The following PDE4D variants were observed in gnomAD, a reference collection of about 807,000 sequenced individuals.
The protein encoded by PDE4D is phosphodiesterase 4D, also known as 3',5'-cyclic-AMP phosphodiesterase 4D.
Under a neutral mutation model 87.4 loss-of-function variants are expected in PDE4D, and 24 were observed. The observed-to-expected ratio is 0.27, with a 90% CI of 0.20 to 0.39. The LOEUF is 0.39. Among genes scored for constraint, PDE4D ranks in the 10% least tolerant of loss-of-function variants. The pLI is 1.00. For synonymous variants in PDE4D, 384 were observed against 383.2 expected (o/e 1.00, Z -0.02); for missense variants, 714 against 1,041.0 (o/e 0.69, Z 4.32).
At chr5:60,435,760 AT>A (rs1744710478) in intron 1 of PDE4D, among the ~76,000 whole-genome samples, 1 of 152,104 alleles carries the variant, frequency 6.6e-6, no homozygotes, top group East Asian at 1.9e-4. Context: ...TTTTTTAGAA[AT>A]TAAAGTCCAA....
At chr5:60,051,386 C>A (rs192937601) in intron 2 of PDE4D, among the ~76,000 whole-genome samples, 2 of 152,314 alleles carry the variant, frequency 1.3e-5, no homozygotes, top group Admixed American at 1.3e-4. Context: ...AAGAAACTCA[C>A]TCAAAACCAC....
intron 1 of PDE4D, among the ~76,000 whole-genome samples, chr5:60,376,353 C>T (rs1372506068): frequency 6.6e-6 from 1 of 152,062 alleles, no homozygotes; most frequent in African/African-American, 2.4e-5. Context: ...CAGAGCTTCC[C>T]AGCTATTGAG....
chr5:60,167,266 C>CT (rs142613050), intron 2 of PDE4D, among the ~76,000 whole-genome samples: 7,738 of 86,498 alleles, frequency 0.089, 705 homozygotes, highest in African/African-American at 0.17. Flanking sequence ...TGTGTATTTT[C>CT]TTTTTTTTTT....
At chr5:59,413,550 C>T (rs1474330745) in intron 1 of PDE4D, among the ~76,000 whole-genome samples, 1 of 150,480 alleles carries the variant, frequency 6.6e-6, no homozygotes, top group Non-Finnish European at 1.5e-5. Flanking sequence ...GTCCTTCTTA[C>T]AACCACCTAA....
chr5:59,012,531 C>T (rs1283920572), intron 6 of PDE4D, among the ~76,000 whole-genome samples: 3 of 152,006 alleles, frequency 2.0e-5, no homozygotes, highest in African/African-American at 7.2e-5. Flanking sequence ...GACTTTAAAC[C>T]AACAAAGATC....
chr5:60,436,368 T>A (rs1286864778), intron 1 of PDE4D, among the ~76,000 whole-genome samples: 8 of 152,030 alleles, frequency 5.3e-5, no homozygotes, highest in Non-Finnish European at 4.4e-5. Flanking sequence ...CAATAAAGAT[T>A]TTTAGAAATC....
At chr5:59,252,104 T>C (rs1760076430) in intron 1 of PDE4D, among the ~76,000 whole-genome samples, 1 of 152,038 alleles carries the variant, frequency 6.6e-6, no homozygotes, top group Admixed American at 6.6e-5. Context: ...TGAAATAATA[T>C]GTACAACCAA....
chr5:59,835,739 G>A (rs1312263813), intron 1 of PDE4D, among the ~76,000 whole-genome samples: 1 of 152,020 alleles, frequency 6.6e-6, no homozygotes, highest in African/African-American at 2.4e-5. Context: ...CTTACAGAAA[G>A]GCCAAGTGTG....
intron 1 of PDE4D, among the ~76,000 whole-genome samples, chr5:59,373,866 G>T (rs1784317923): frequency 6.6e-6 from 1 of 152,026 alleles, no homozygotes; most frequent in African/African-American, 2.4e-5. Context: ...AAAGATTGAG[G>T]GCCAATATTC....
At chr5:60,064,479 A>T (rs1292951897) in intron 2 of PDE4D, among the ~76,000 whole-genome samples, 1 of 152,094 alleles carries the variant, frequency 6.6e-6, no homozygotes, top group Non-Finnish European at 1.5e-5. Flanking sequence ...AATTAGAAAA[A>T]AATCCACACA....
chr5:59,052,216 G>A (rs1022027592), intron 5 of PDE4D, among the ~76,000 whole-genome samples: 1 of 152,178 alleles, frequency 6.6e-6, no homozygotes, highest in African/African-American at 2.4e-5. Context: ...CTATAGCTCA[G>A]TGTGCTGGGT....
chr5:59,182,254 A>AT (rs3061467), intron 4 of PDE4D, among the ~76,000 whole-genome samples: 41 of 147,884 alleles, frequency 2.8e-4, no homozygotes, highest in Admixed American at 3.4e-4. Flanking sequence ...TTCTTCTTAA[A>AT]TTTTTTTTTT....
intron 1 of PDE4D, among the ~76,000 whole-genome samples, chr5:59,362,023 T>C (rs1410446662): frequency 6.6e-6 from 1 of 152,170 alleles, no homozygotes; most frequent in African/African-American, 2.4e-5. Context: ...AGAGTCACAG[T>C]TATGCCATGA....
chr5:59,833,448 G>C (rs1741548725), intron 1 of PDE4D, among the ~76,000 whole-genome samples: 1 of 151,946 alleles, frequency 6.6e-6, no homozygotes, highest in South Asian at 2.1e-4. Flanking sequence ...TAAATCACTG[G>C]GAGATCCAGA....
At chr5:59,858,639 ACACT>A (rs1403940228) in intron 1 of PDE4D, among the ~76,000 whole-genome samples, 1 of 152,164 alleles carries the variant, frequency 6.6e-6, no homozygotes. Context: ...ATTCTATCTG[ACACT>A]CACATAACTA....
At chr5:59,390,052 CCT>C (rs1787928242) in intron 1 of PDE4D, among the ~76,000 whole-genome samples, 1 of 151,878 alleles carries the variant, frequency 6.6e-6, no homozygotes, top group African/African-American at 2.4e-5. Context: ...TCTTAAATAC[CCT>C]GATTTGATCA....
chr5:60,192,399 T>C (rs1399302907), intron 1 of PDE4D, among the ~76,000 whole-genome samples: 1 of 152,174 alleles, frequency 6.6e-6, no homozygotes, highest in Non-Finnish European at 1.5e-5. Context: ...AAAGCTTTAA[T>C]GGTATTATAC....
At chr5:59,943,675 C>T (rs759756986) in intron 3 of PDE4D, among the ~76,000 whole-genome samples, 1 of 152,172 alleles carries the variant, frequency 6.6e-6, no homozygotes, top group Non-Finnish European at 1.5e-5. Context: ...ACAGCTCGTG[C>T]GGGCAGCACT....
Position 60,311,086 on chromosome 5 carries a change from C to T in PDE4D, c.-89-125399G>A, listed in dbSNP as rs1451589708. On this transcript the variant is annotated intron_variant, in intron 1 of 16. Coordinates refer to the PDE4D transcript ENST00000502484. ...AGGCTGGCATGCAATGAAGCGATCT[C>T]AGCTCACCACAGTCTTCACCTCCCA... Among the ~76,000 whole-genome samples the T allele has an allele frequency of 2.7e-5, 4 of 150,438 alleles. No homozygotes were observed. The East Asian group carries it at 7.8e-4, about 29-fold the overall frequency.
Sources: allele counts gnomAD v4.1 joint callset (sites outside exome capture counted in the v4.1 genomes callset), GRCh38; gene constraint gnomAD v4.1.1; transcripts MANE v1.5; gene names NCBI Gene and HGNC (gene_info 2026-07-23, HGNC 2026-07-21).